The following GRM8 variants were observed in gnomAD, a reference collection of about 807,000 sequenced individuals.
The protein encoded by GRM8 is glutamate metabotropic receptor 8, also known as metabotropic glutamate receptor 8.
In GRM8, 47 loss-of-function variants were observed where a neutral mutation model predicts 87.2. That is an observed-to-expected ratio of 0.54 (90% CI 0.43 to 0.69). The LOEUF is 0.69. Ranked by LOEUF, GRM8 falls within the 30% of genes least tolerant of loss-of-function variation. The pLI, the probability that GRM8 is intolerant of heterozygous loss-of-function variation, is 0.00. For synonymous variants in GRM8, 396 were observed against 404.5 expected (o/e 0.98, Z 0.25); for missense variants, 1,019 against 1,139.2 (o/e 0.89, Z 1.52).
chr7:126,506,260 T>TACAC (rs952351537), intron 9 of GRM8, among the ~76,000 whole-genome samples: 19 of 151,424 alleles, frequency 1.3e-4, no homozygotes, highest in Admixed American at 2.0e-4. Flanking sequence ...TACGTGTATC[T>TACAC]ACACACACAC....
intron 3 of GRM8, among the ~76,000 whole-genome samples, chr7:127,022,355 T>C (rs1338581627): frequency 6.6e-6 from 1 of 152,026 alleles, no homozygotes; most frequent in African/African-American, 2.4e-5. Flanking sequence ...GGAGATGTAT[T>C]TAAATATATA....
At chr7:126,848,574 C>G (rs927622797) in intron 6 of GRM8, among the ~76,000 whole-genome samples, 3 of 152,080 alleles carry the variant, frequency 2.0e-5, no homozygotes, top group African/African-American at 7.2e-5. Flanking sequence ...GTAATCCCAG[C>G]ACTTTTGGAG....
chr7:126,532,794 T>C (rs1202739170), intron 9 of GRM8, among the ~76,000 whole-genome samples, 158 bp downstream of exon 9: 3 of 52,700 alleles, frequency 5.7e-5, no homozygotes, highest in Non-Finnish European at 1.4e-4. Flanking sequence ...TATATATATA[T>C]ATATATATAT....
intron 6 of GRM8, among the ~76,000 whole-genome samples, chr7:126,876,277 T>C (rs189055300): frequency 1.1e-4 from 16 of 152,280 alleles, no homozygotes; most frequent in Admixed American, 1.0e-3. Flanking sequence ...GAAAAAACGC[T>C]CCATTGGTGT....
Position 126,652,190 on chromosome 7 carries a change from G to A in GRM8, c.1358-42692C>T, listed in dbSNP as rs141354429. Among the ~76,000 whole-genome samples the A allele has an allele frequency of 2.9e-4, 44 of 152,184 alleles. No homozygotes were observed. In the East Asian group the frequency reaches 4.6e-3, roughly 16 times the overall value. On this transcript the variant is annotated intron_variant, in intron 7 of 10. Coordinates refer to ENST00000339582, the MANE Select transcript of GRM8 (RefSeq NM_000845.3). ...GACATCAGATTTACTTCATATTAGCGTTTAAGTATCGTTAGCTTTATGTAA... is the reference window on the plus strand; with the variant it reads ...GACATCAGATTTACTTCATATTAGCATTTAAGTATCGTTAGCTTTATGTAA...
intron 3 of GRM8, among the ~76,000 whole-genome samples, chr7:126,959,347 T>G (rs780971920): frequency 1.3e-5 from 2 of 152,112 alleles, no homozygotes; most frequent in Non-Finnish European, 1.5e-5. Flanking sequence ...ATTAGAGAAG[T>G]AGAAGAGAGG....
intron 2 of GRM8, among the ~76,000 whole-genome samples, chr7:127,200,044 G>A (rs182098741): frequency 6.6e-6 from 1 of 152,244 alleles, no homozygotes; most frequent in Admixed American, 6.5e-5. Context: ...AATTGTTTGG[G>A]AGGTAAAACA....
At chr7:126,891,215 A>G (rs1800970728) in intron 6 of GRM8, among the ~76,000 whole-genome samples, 1 of 151,976 alleles carries the variant, frequency 6.6e-6, no homozygotes, top group South Asian at 2.1e-4. Context: ...CCCTACATAT[A>G]TCCCTAAAAT....
chr7:126,598,073 C>G (rs185812341), intron 8 of GRM8, among the ~76,000 whole-genome samples: 1 of 152,128 alleles, frequency 6.6e-6, no homozygotes, highest in Non-Finnish European at 1.5e-5. Flanking sequence ...ATTCCCCTCC[C>G]CCACTCCTCC....
intron 3 of GRM8, among the ~76,000 whole-genome samples, chr7:127,014,310 A>G (rs1815186090): frequency 6.6e-6 from 1 of 152,148 alleles, no homozygotes; most frequent in Non-Finnish European, 1.5e-5. Flanking sequence ...ACTTTAACTT[A>G]TCTAGTACTC....
chr7:126,843,840 T>C (rs560061686), intron 6 of GRM8, among the ~76,000 whole-genome samples: 1 of 152,336 alleles, frequency 6.6e-6, no homozygotes, highest in Admixed American at 6.5e-5. Flanking sequence ...ACAGCACAGA[T>C]AAAGAATCAT....
At chr7:127,022,064 C>G (rs2299524) in intron 3 of GRM8, among the ~76,000 whole-genome samples, 38,538 of 152,028 alleles carry the variant, frequency 0.25, 5,833 homozygotes, top group Non-Finnish European at 0.35. Context: ...TGGCTAGGAA[C>G]TAGCTGGCTC....
rs1804141956 is a variant in GRM8 at position 126,653,316 on chromosome 7, AGG to A, written c.1358-43820_1358-43819del. 2.5e-4 allele frequency among the ~76,000 whole-genome samples: 38 copies of A among 150,290 alleles called. 1 individual carries two copies. The highest frequency in any genetic ancestry group is 4.6e-4 in the Admixed American group (7 of 15,078). ...TCCTGTCTCCAAAAAAAAAAAAAAA[AGG>A]CAAGGAGAGGGTGATCCTTACTAAA... On this transcript the variant is annotated intron_variant, in intron 7 of 10. Coordinates refer to ENST00000339582, the MANE Select transcript of GRM8 (RefSeq NM_000845.3).
At chr7:126,640,477 C>T (rs1009135191) in intron 7 of GRM8, among the ~76,000 whole-genome samples, 2 of 152,122 alleles carry the variant, frequency 1.3e-5, no homozygotes, top group Non-Finnish European at 2.9e-5. Flanking sequence ...AATACCTATG[C>T]ATATTGATTT....
At chr7:126,673,852 T>C in intron 7 of GRM8, among the ~76,000 whole-genome samples, 1 of 152,200 alleles carries the variant, frequency 6.6e-6, no homozygotes, top group East Asian at 1.9e-4. Flanking sequence ...TCAGCGTCTT[T>C]AGTTTTATGA....
At chr7:126,621,642 C>T (rs1431583692) in intron 7 of GRM8, among the ~76,000 whole-genome samples, 1 of 152,030 alleles carries the variant, frequency 6.6e-6, no homozygotes, top group African/African-American at 2.4e-5. Flanking sequence ...TGGTCTTTAA[C>T]TCCTGACCTC....
At chr7:126,865,133 T>C (rs1798480938) in intron 6 of GRM8, among the ~76,000 whole-genome samples, 1 of 152,228 alleles carries the variant, frequency 6.6e-6, no homozygotes, top group Non-Finnish European at 1.5e-5. Flanking sequence ...AGCTTCAGCA[T>C]CCAGTATTGA....
chr7:126,955,190 G>C (rs941084634), intron 3 of GRM8, among the ~76,000 whole-genome samples: 5 of 152,152 alleles, frequency 3.3e-5, no homozygotes, highest in African/African-American at 1.2e-4. Context: ...AGGAATGACA[G>C]TGACCTCTAG....
At chr7:127,222,519 A>G (rs1305991606) in intron 2 of GRM8, among the ~76,000 whole-genome samples, 1 of 152,188 alleles carries the variant, frequency 6.6e-6, no homozygotes, top group Non-Finnish European at 1.5e-5. Context: ...TTATCTGGAT[A>G]CAAAATTAAA....
Sources: gnomAD v4.1 joint callset for allele counts (sites outside exome capture counted in the v4.1 genomes callset) on GRCh38, gnomAD v4.1.1 for gene constraint, MANE v1.5 for transcripts, NCBI Gene and HGNC (gene_info 2026-07-23, HGNC 2026-07-21) for gene names.